TEX13C: variants seen among roughly 807,000 people sequenced by gnomAD.
TEX13C encodes the protein TEX13 family member C.
For missense variants in TEX13C, 480 were observed against 298.7 expected (o/e 1.61, Z -4.47); for synonymous variants, 219 against 116.6 (o/e 1.88, Z -5.65).
chrX:125,322,018 A>G (rs1209564817), exon 1 of TEX13C: 6 of 480,535 alleles, frequency 1.2e-5, no homozygotes, highest in Non-Finnish European at 1.8e-5. Flanking sequence ...GCCTGAAGAA[A>G]GTGCCAGTGA....
chrX:125,325,102 A>G (rs916572737), exon 1 of TEX13C: 3 of 111,419 alleles, frequency 2.7e-5, no homozygotes, highest in Non-Finnish European at 5.7e-5. Flanking sequence ...TCTGCCTTCA[A>G]TCCAAGCTAA....
At chrX:125,322,193 C>A (rs2018851345) in exon 1 of TEX13C, 1 of 505,287 alleles carries the variant, frequency 2.0e-6, no homozygotes, top group Non-Finnish European at 3.5e-6. Flanking sequence ...GAGACACAGC[C>A]TGAAGAAAGT....
At chrX:125,323,015 G>A (rs2018863673) in exon 1 of TEX13C, 6 of 513,864 alleles carry the variant, frequency 1.2e-5, no homozygotes, top group Non-Finnish European at 2.1e-5. Context: ...ATGGTGTAAT[G>A]CCATGAATTT....
At chrX:125,323,009 T>C in exon 1 of TEX13C, 1 of 515,332 alleles carries the variant, frequency 1.9e-6, no homozygotes, top group South Asian at 2.5e-5. Context: ...CTGCCCATGG[T>C]GTAATGCCAT....
chrX:125,321,492 G>A (rs1374377054), exon 1 of TEX13C: 2 of 511,082 alleles, frequency 3.9e-6, no homozygotes, highest in Admixed American at 5.3e-5. Context: ...CTGGGGGACA[G>A]CAACAGCCAT....
At chrX:125,324,038 CACTT>C (rs1462388247) in exon 1 of TEX13C, 1 of 112,209 alleles carries the variant, frequency 8.9e-6, no homozygotes, top group African/African-American at 3.2e-5. Flanking sequence ...TGATGAATTT[CACTT>C]AATTCATTAA....
chrX:125,320,217 C>T (rs1029279345), exon 1 of TEX13C: 7 of 515,016 alleles, frequency 1.4e-5, no homozygotes, highest in South Asian at 2.5e-5. Context: ...GGCAGCCCAG[C>T]CTTTTACACG....
At chrX:125,322,150 G>T (rs1271813714) in exon 1 of TEX13C, 2 of 496,247 alleles carry the variant, frequency 4.0e-6, no homozygotes, top group East Asian at 3.7e-5. Flanking sequence ...ATCCAGTGGT[G>T]CCCCAGGGCA....
exon 1 of TEX13C, chrX:125,321,027 A>C (rs191257614): frequency 6.4e-5 from 33 of 514,157 alleles, no homozygotes; most frequent in Non-Finnish European, 1.1e-4. Flanking sequence ...GAGAATTTCC[A>C]GGGAGTATAT....
chrX:125,321,255 T>G, exon 1 of TEX13C: 2 of 513,964 alleles, frequency 3.9e-6, no homozygotes, highest in Non-Finnish European at 7.0e-6. Flanking sequence ...AGCCACAGCC[T>G]GAAGAAAGAT....
At chrX:125,320,264 C>A (rs748477270) in exon 1 of TEX13C, 8 of 515,239 alleles carry the variant, frequency 1.6e-5, no homozygotes, top group Non-Finnish European at 1.7e-5. Flanking sequence ...GGTAGAGGAC[C>A]GGCTTCGGGC....
exon 1 of TEX13C, chrX:125,321,995 A>G (rs1241573627): frequency 6.2e-6 from 3 of 486,473 alleles, no homozygotes; most frequent in Non-Finnish European, 1.1e-5. Context: ...CCTGATGTTT[A>G]GCAGGAGACA....
chrX:125,322,738 C>T, exon 1 of TEX13C: 1 of 514,068 alleles, frequency 1.9e-6, no homozygotes, highest in Non-Finnish European at 3.5e-6. Context: ...CCTTGGGGGA[C>T]AGCAACAGCC....
chrX:125,321,965 G>A (rs111226613), exon 1 of TEX13C: 1 of 490,869 alleles, frequency 2.0e-6, no homozygotes, highest in African/African-American at 2.6e-5. Flanking sequence ...AGATCCAGTG[G>A]TGCCCCAGGA....
chrX:125,320,546 T>C, exon 1 of TEX13C: 1 of 515,752 alleles, frequency 1.9e-6, no homozygotes, highest in Non-Finnish European at 3.5e-6. Context: ...TGATGGGTTA[T>C]GCGGGAGGCT....
chrX:125,323,455 G>A (rs2018867264), exon 1 of TEX13C: 1 of 125,832 alleles, frequency 7.9e-6, no homozygotes, highest in African/African-American at 3.2e-5. Flanking sequence ...GATACTAATT[G>A]GTTGACACCC....
exon 1 of TEX13C, chrX:125,321,027 A>G (rs191257614): frequency 3.9e-6 from 2 of 514,101 alleles, no homozygotes; most frequent in East Asian, 3.6e-5. Flanking sequence ...GAGAATTTCC[A>G]GGGAGTATAT....
At chrX:125,321,512 A>G in exon 1 of TEX13C, 1 of 512,881 alleles carries the variant, frequency 1.9e-6, no homozygotes, top group Non-Finnish European at 3.5e-6. Flanking sequence ...TAGCCTGAAG[A>G]AAGATCCAGT....
chrX:125,324,523 C>T (rs1028068080), exon 1 of TEX13C: 1 of 111,336 alleles, frequency 9.0e-6, no homozygotes, highest in African/African-American at 3.3e-5. Context: ...TGATCCTCTG[C>T]CTCAGCCTCC....
Sources: gnomAD v4.1 joint callset for allele counts on GRCh38, gnomAD v4.1.1 for gene constraint, MANE v1.5 for transcripts, NCBI Gene and HGNC (gene_info 2026-07-23, HGNC 2026-07-21) for gene names.